The following HOMER1 variants were observed in gnomAD, a reference collection of about 807,000 sequenced individuals.
HOMER1 encodes the protein homer scaffold protein 1.
A neutral mutation model predicts 48.9 loss-of-function variants in HOMER1; 3 were observed. The ratio of observed to expected loss-of-function variants is 0.06; its 90% CI spans 0.03 to 0.16. HOMER1 has a LOEUF of 0.16. Ranked by LOEUF, HOMER1 falls within the 10% of genes least tolerant of loss-of-function variation. The pLI is 1.00. For synonymous variants in HOMER1, 134 were observed against 146.4 expected (o/e 0.92, Z 0.61); for missense variants, 247 against 411.4 (o/e 0.60, Z 3.46).
intron 1 of HOMER1, among the ~76,000 whole-genome samples, chr5:79,477,508 T>C (rs928448629): frequency 3.3e-5 from 5 of 152,266 alleles, no homozygotes; most frequent in African/African-American, 1.2e-4. Flanking sequence ...GATATGGATT[T>C]TTTTTAGATC....
In HOMER1 at chr5:79,482,460, G is replaced by A. The variant is rs145928388; in HGVS notation, c.6-25442C>T. On this transcript the variant is annotated intron_variant, in intron 1 of 8. Coordinates refer to ENST00000334082, the MANE Select transcript of HOMER1 (RefSeq NM_004272.5). ...AAGACATAAGCAGTTACACTTGAAC[G>A]TATTAAAAAGCCCCAAATCAATTTT... Among the ~76,000 whole-genome samples the A allele has an allele frequency of 5.1e-3, 771 of 152,008 alleles. 5 individuals carry two copies. Among genetic ancestry groups the A allele is most frequent in the African/African-American group, 0.018 (739 of 41,478 alleles).
intron 2 of HOMER1, among the ~76,000 whole-genome samples, chr5:79,454,061 C>G (rs1475660998): frequency 6.6e-6 from 1 of 152,070 alleles, no homozygotes; most frequent in East Asian, 1.9e-4. Context: ...ATTTATGATT[C>G]TAATAATTAC....
intron 5 of HOMER1, among the ~76,000 whole-genome samples, chr5:79,430,062 C>T (rs1393868617): frequency 6.9e-6 from 1 of 145,926 alleles, no homozygotes; most frequent in East Asian, 2.0e-4. Flanking sequence ...TGCAAAGCAC[C>T]AAGAAAAAAA....
intron 5 of HOMER1, among the ~76,000 whole-genome samples, chr5:79,431,133 C>T (rs1368768709): frequency 6.6e-6 from 1 of 152,036 alleles, no homozygotes; most frequent in Non-Finnish European, 1.5e-5. Context: ...GAGTTCGAGA[C>T]CAGCCTGCCA....
At chr5:79,466,549 T>C (rs910837998) in intron 1 of HOMER1, among the ~76,000 whole-genome samples, 6 of 151,844 alleles carry the variant, frequency 4.0e-5, no homozygotes, top group Admixed American at 2.6e-4. Flanking sequence ...AGAATTGATA[T>C]GGCACATTCC....
At chr5:79,510,971 G>GGGCT (rs761172064) in intron 1 of HOMER1, 64 of 482,082 alleles carry the variant, frequency 1.3e-4, no homozygotes, top group Admixed American at 2.0e-4. Context: ...TGGGGCTGTG[G>GGGCT]GGCTGGGGTC....
chr5:79,502,784 C>T (rs1461472829), intron 1 of HOMER1, among the ~76,000 whole-genome samples: 1 of 152,180 alleles, frequency 6.6e-6, no homozygotes, highest in African/African-American at 2.4e-5. Flanking sequence ...AGTAAAAAAT[C>T]TGCATGTAAC....
chr5:79,380,548 C>A (rs1277064510), intron 8 of HOMER1, among the ~76,000 whole-genome samples: 3 of 152,212 alleles, frequency 2.0e-5, no homozygotes, highest in African/African-American at 7.2e-5. Flanking sequence ...AAGGCTGCCA[C>A]CAGTGAAGGT....
At chr5:79,445,672 C>T (rs1310487559) in intron 4 of HOMER1, among the ~76,000 whole-genome samples, 4 of 152,178 alleles carry the variant, frequency 2.6e-5, no homozygotes, top group African/African-American at 9.7e-5. Flanking sequence ...GTAATCTCAG[C>T]ATTTTGGGAG....
At chr5:79,507,030 G>C (rs530278449) in intron 1 of HOMER1, among the ~76,000 whole-genome samples, 1 of 151,488 alleles carries the variant, frequency 6.6e-6, no homozygotes, top group Non-Finnish European at 1.5e-5. Context: ...TGGCCAATAC[G>C]GTGAAACCCC....
chr5:79,426,380 A>G (rs189873384), intron 5 of HOMER1, among the ~76,000 whole-genome samples: 17 of 152,204 alleles, frequency 1.1e-4, no homozygotes, highest in African/African-American at 4.1e-4. Context: ...GTGTCCACCA[A>G]TGAATGGATA....
intron 5 of HOMER1, among the ~76,000 whole-genome samples, chr5:79,405,995 G>A (rs1437971952): frequency 6.6e-6 from 1 of 152,154 alleles, no homozygotes; most frequent in Non-Finnish European, 1.5e-5. Flanking sequence ...CTGGAACATG[G>A]AGAATCTACA....
At chr5:79,380,728 G>A (rs916680260) in intron 8 of HOMER1, among the ~76,000 whole-genome samples, 17 of 152,058 alleles carry the variant, frequency 1.1e-4, no homozygotes, top group African/African-American at 3.6e-4. Flanking sequence ...GGGGGTAGGG[G>A]GAGTGAAGGG....
chr5:79,502,843 T>C (rs910336315), intron 1 of HOMER1, among the ~76,000 whole-genome samples: 10 of 152,244 alleles, frequency 6.6e-5, no homozygotes, highest in African/African-American at 9.6e-5. Flanking sequence ...CAGGCTGGAG[T>C]GCAGTGGCGC....
intron 1 of HOMER1, among the ~76,000 whole-genome samples, chr5:79,503,532 GAGAAAAAAAA>G (rs1752664033): frequency 1.1e-5 from 1 of 94,026 alleles, no homozygotes; most frequent in Non-Finnish European, 2.2e-5. Flanking sequence ...CTGTCACAAA[GAGAAAAAAAA>G]AAAAAAAAAA....
At chr5:79,473,937 C>T (rs971931282) in intron 1 of HOMER1, among the ~76,000 whole-genome samples, 2 of 152,050 alleles carry the variant, frequency 1.3e-5, no homozygotes, top group African/African-American at 4.8e-5. Flanking sequence ...ACCAGTATAT[C>T]CTAAATGTAT....
intron 8 of HOMER1, among the ~76,000 whole-genome samples, chr5:79,395,841 G>A (rs1749368208): frequency 6.6e-6 from 1 of 152,168 alleles, no homozygotes; most frequent in South Asian, 2.1e-4. Flanking sequence ...TGGATTAAAT[G>A]CATAATACAG....
chr5:79,437,392 T>C (rs1580450998), intron 5 of HOMER1, among the ~76,000 whole-genome samples: 1 of 152,202 alleles, frequency 6.6e-6, no homozygotes, highest in Non-Finnish European at 1.5e-5. Context: ...AAATATTTTT[T>C]AAAATTGCAT....
intron 5 of HOMER1, among the ~76,000 whole-genome samples, chr5:79,425,854 GCA>G (rs1390412977): frequency 2.6e-5 from 4 of 151,872 alleles, no homozygotes; most frequent in Non-Finnish European, 5.9e-5. Flanking sequence ...TGTGAGTAAA[GCA>G]CACCCTAAAA....
Sources: allele counts gnomAD v4.1 joint callset (sites outside exome capture counted in the v4.1 genomes callset), GRCh38; gene constraint gnomAD v4.1.1; transcripts MANE v1.5; gene names NCBI Gene and HGNC (gene_info 2026-07-23, HGNC 2026-07-21).